The following CSMD1 variants were observed in gnomAD, a reference collection of about 807,000 sequenced individuals.
CSMD1 encodes the protein CUB and sushi domain-containing protein 1.
CSMD1 carries 213 observed loss-of-function variants against 417.5 expected under a neutral mutation model. The ratio of observed to expected loss-of-function variants is 0.51; its 90% CI spans 0.46 to 0.57. The LOEUF is 0.57. Among genes scored for constraint, CSMD1 ranks in the 20% least tolerant of loss-of-function variants. The pLI, the probability that CSMD1 is intolerant of heterozygous loss-of-function variation, is 0.00. For synonymous variants in CSMD1, 2,862 were observed against 1,736.8 expected (o/e 1.65, Z -16.11); for missense variants, 6,923 against 4,529.7 (o/e 1.53, Z -15.17).
At chr8:3,432,406 T>A (rs1563382749) in intron 12 of CSMD1, among the ~76,000 whole-genome samples, 2 of 152,094 alleles carry the variant, frequency 1.3e-5, no homozygotes, top group African/African-American at 2.4e-5. Context: ...CTTTTGCAGG[T>A]AATGGTTGCC....
At chr8:4,853,605 G>A (rs1801613213) in intron 1 of CSMD1, among the ~76,000 whole-genome samples, 1 of 152,226 alleles carries the variant, frequency 6.6e-6, no homozygotes, top group East Asian at 1.9e-4. Context: ...ATAGGGCAGT[G>A]CCAAAGGGAA....
intron 5 of CSMD1, among the ~76,000 whole-genome samples, chr8:3,860,868 A>C (rs1048530527): frequency 4.6e-5 from 7 of 152,214 alleles, no homozygotes; most frequent in African/African-American, 1.4e-4. Context: ...AAAGATCCAA[A>C]GTTCACTTTA....
chr8:4,944,176 C>T (rs1329345706), intron 1 of CSMD1, among the ~76,000 whole-genome samples: 2 of 152,038 alleles, frequency 1.3e-5, no homozygotes, highest in East Asian at 1.9e-4. Context: ...AGAAAAAATC[C>T]ACGAACTTAG....
chr8:3,570,466 C>A (rs78472610), intron 10 of CSMD1, among the ~76,000 whole-genome samples: 6 of 152,140 alleles, frequency 3.9e-5, no homozygotes, highest in African/African-American at 1.4e-4. Flanking sequence ...GCCAAACATG[C>A]CTCATTTCAT....
chr8:4,202,755 G>A (rs932701618), intron 3 of CSMD1, among the ~76,000 whole-genome samples: 1 of 152,278 alleles, frequency 6.6e-6, no homozygotes, highest in African/African-American at 2.4e-5. Flanking sequence ...TACAAAGGGA[G>A]AAAATGATAG....
chr8:3,735,323 A>ACAC (rs1563324059), intron 6 of CSMD1, among the ~76,000 whole-genome samples: 1 of 31,784 alleles, frequency 3.1e-5, no homozygotes, highest in African/African-American at 6.0e-5. Context: ...AAAACACACA[A>ACAC]ACACACACAC....
At chr8:4,871,291 A>G (rs1006375233) in intron 1 of CSMD1, among the ~76,000 whole-genome samples, 11 of 152,100 alleles carry the variant, frequency 7.2e-5, no homozygotes, top group Admixed American at 2.0e-4. Context: ...TTTCCACTGC[A>G]ATGCACTTCT....
At chr8:4,950,035 T>G (rs1233642419) in intron 1 of CSMD1, among the ~76,000 whole-genome samples, 2 of 152,136 alleles carry the variant, frequency 1.3e-5, no homozygotes, top group Non-Finnish European at 2.9e-5. Flanking sequence ...CCTTGATGAA[T>G]AATGGCACAG....
chr8:3,210,421 C>G (rs1336904977), intron 30 of CSMD1, among the ~76,000 whole-genome samples: 1 of 69,422 alleles, frequency 1.4e-5, no homozygotes, highest in Non-Finnish European at 3.0e-5. Flanking sequence ...TATATATGAC[C>G]TATATATATA....
At chr8:3,505,346 G>C (rs1211683785) in intron 10 of CSMD1, among the ~76,000 whole-genome samples, 1 of 152,288 alleles carries the variant, frequency 6.6e-6, no homozygotes, top group East Asian at 1.9e-4. Flanking sequence ...ATGAAAAGAA[G>C]ATGAGAGAAA....
intron 7 of CSMD1, among the ~76,000 whole-genome samples, chr8:3,656,433 T>C (rs1455689742): frequency 6.6e-6 from 1 of 152,202 alleles, no homozygotes; most frequent in African/African-American, 2.4e-5. Flanking sequence ...GCATTTCTTA[T>C]CTTTGTGAGA....
chr8:3,278,195 AAG>A (rs144857267), intron 26 of CSMD1, among the ~76,000 whole-genome samples: 1 of 152,304 alleles, frequency 6.6e-6, no homozygotes, highest in East Asian at 1.9e-4. Flanking sequence ...GAGTTTCCAG[AAG>A]AGAGAGTCAA....
At chr8:3,075,723 AT>A (rs1416703791) in intron 49 of CSMD1, among the ~76,000 whole-genome samples, 1 of 151,860 alleles carries the variant, frequency 6.6e-6, no homozygotes. Context: ...ATGTAAATGT[AT>A]TTTTATCTGC....
intron 1 of CSMD1, among the ~76,000 whole-genome samples, chr8:4,778,881 G>C (rs1221438511): frequency 2.0e-5 from 3 of 152,160 alleles, no homozygotes; most frequent in Admixed American, 2.0e-4. Context: ...ATGTAGTTAG[G>C]ACAAAAGAAT....
Position 3,267,110 on chromosome 8 carries a change from A to C in CSMD1, c.4153+17034T>G, listed in dbSNP as rs1801490137. On this transcript the variant is annotated intron_variant, in intron 26 of 69. Transcript: ENST00000635120. Reference sequence around the variant, plus strand: ...AGGGAAGGGTGAAAATCAGGAGAGAAAGAGGCTTCCACCCAGAGGTCGTCC... The same window carrying C: ...AGGGAAGGGTGAAAATCAGGAGAGACAGAGGCTTCCACCCAGAGGTCGTCC... 2.0e-5 allele frequency among the ~76,000 whole-genome samples: 3 copies of C among 152,228 alleles called. No homozygotes were observed. The South Asian group carries it at 6.2e-4, about 32-fold the overall frequency.
intron 1 of CSMD1, among the ~76,000 whole-genome samples, chr8:4,679,322 T>G (rs1183999686): frequency 6.6e-6 from 1 of 152,180 alleles, no homozygotes; most frequent in Non-Finnish European, 1.5e-5. Context: ...GTTGACACCT[T>G]CTGCCCATTT....
At chr8:4,942,495 T>A (rs1808075213) in intron 1 of CSMD1, among the ~76,000 whole-genome samples, 1 of 152,212 alleles carries the variant, frequency 6.6e-6, no homozygotes, top group Admixed American at 6.5e-5. Context: ...TAACTTATAT[T>A]TGTTAAATTC....
chr8:4,529,946 G>A (rs1217207821), intron 2 of CSMD1, among the ~76,000 whole-genome samples: 2 of 150,428 alleles, frequency 1.3e-5, no homozygotes, highest in East Asian at 2.0e-4. Context: ...ACCGAGTCTC[G>A]ATTTGTCACC....
chr8:2,974,044 A>AGGATGGTGGTAGC (rs1804701057), intron 56 of CSMD1, among the ~76,000 whole-genome samples: 3 of 147,926 alleles, frequency 2.0e-5, no homozygotes, highest in Admixed American at 6.7e-5. Flanking sequence ...ATGGTGGTAG[A>AGGATGGTGGTAGC]GGATGGTGGT....
Sources: allele counts gnomAD v4.1 joint callset (sites outside exome capture counted in the v4.1 genomes callset), GRCh38; gene constraint gnomAD v4.1.1; transcripts MANE v1.5; gene names NCBI Gene and HGNC (gene_info 2026-07-23, HGNC 2026-07-21).